Variants in AFG1L observed in about 807,000 individuals in gnomAD.
AFG1L encodes AFG1 like ATPase.
In AFG1L, 53 loss-of-function variants were observed where a neutral mutation model predicts 62.2. The ratio of observed to expected loss-of-function variants is 0.85; its 90% CI spans 0.68 to 1.07. The LOEUF (loss-of-function observed/expected upper bound fraction) is 1.07, where lower values mean the gene tolerates loss of function less well. Among genes scored for constraint, AFG1L ranks in the 50% least tolerant of loss-of-function variants. AFG1L has a pLI of 0.00. For synonymous variants in AFG1L, 228 were observed against 210.3 expected (o/e 1.08, Z -0.73); for missense variants, 555 against 590.5 (o/e 0.94, Z 0.62).
chr6:108,461,578 A>G (rs1297905977), intron 8 of AFG1L, among the ~76,000 whole-genome samples: 3 of 151,928 alleles, frequency 2.0e-5, no homozygotes, highest in South Asian at 2.1e-4. Flanking sequence ...GCCTCAGCCT[A>G]TTGAGTAGCT....
At chr6:108,433,411 C>CA in intron 7 of AFG1L, among the ~76,000 whole-genome samples, 1 of 151,546 alleles carries the variant, frequency 6.6e-6, no homozygotes, top group South Asian at 2.1e-4. Flanking sequence ...TCCCAAGTAG[C>CA]TGGTACTGCA....
At chr6:108,505,610 C>T (rs944124329) in intron 10 of AFG1L, among the ~76,000 whole-genome samples, 42 of 152,180 alleles carry the variant, frequency 2.8e-4, no homozygotes, top group Admixed American at 1.8e-3. Flanking sequence ...CTTGGAACTA[C>T]GCTTCAGAAG....
At chr6:108,355,332 A>C (rs894245613) in intron 3 of AFG1L, among the ~76,000 whole-genome samples, 1 of 152,110 alleles carries the variant, frequency 6.6e-6, no homozygotes, top group African/African-American at 2.4e-5. Flanking sequence ...AAGTTATTTT[A>C]TTTATGCTAG....
intron 10 of AFG1L, among the ~76,000 whole-genome samples, chr6:108,485,629 T>TATATATATATATATATATTTTTTAA (rs1773512506): frequency 2.5e-4 from 3 of 11,874 alleles, no homozygotes; most frequent in African/African-American, 1.1e-3. Flanking sequence ...AATTTAAATA[T>TATATATATATATATATATTTTTTAA]ATATATATAT....
chr6:108,486,688 T>C (rs1479030106), intron 10 of AFG1L, among the ~76,000 whole-genome samples: 1 of 152,214 alleles, frequency 6.6e-6, no homozygotes, highest in Non-Finnish European at 1.5e-5. Context: ...CCAAGATTAC[T>C]ACATTGACTT....
chr6:108,485,365 G>T (rs1006264641), intron 10 of AFG1L, among the ~76,000 whole-genome samples: 2 of 151,786 alleles, frequency 1.3e-5, no homozygotes, highest in African/African-American at 4.8e-5. Flanking sequence ...GGGAGAAAAT[G>T]CCCAAGGATT....
At chr6:108,438,072 G>A (rs906502559) in intron 7 of AFG1L, among the ~76,000 whole-genome samples, 3 of 152,170 alleles carry the variant, frequency 2.0e-5, no homozygotes, top group South Asian at 4.1e-4. Context: ...CTTCTGTCCT[G>A]ACTTGCTTGC....
chr6:108,495,845 A>G (rs1287756706), intron 10 of AFG1L, among the ~76,000 whole-genome samples: 1 of 152,220 alleles, frequency 6.6e-6, no homozygotes, highest in Non-Finnish European at 1.5e-5. Flanking sequence ...GTGGATTTTA[A>G]TTGTTCCTGT....
intron 11 of AFG1L, among the ~76,000 whole-genome samples, chr6:108,516,836 C>G (rs185868485): frequency 6.6e-6 from 1 of 152,218 alleles, no homozygotes; most frequent in Admixed American, 6.5e-5. Flanking sequence ...GCAAAAATGA[C>G]AAGCATTCTT....
At chr6:108,338,070 C>T in intron 2 of AFG1L, among the ~76,000 whole-genome samples, 1 of 152,050 alleles carries the variant, frequency 6.6e-6, no homozygotes, top group East Asian at 1.9e-4. Context: ...CCTGTGGTCC[C>T]AGTTACTTGG....
At chr6:108,360,871 A>G (rs1324573800) in intron 5 of AFG1L, among the ~76,000 whole-genome samples, 2 of 152,220 alleles carry the variant, frequency 1.3e-5, no homozygotes, top group Non-Finnish European at 2.9e-5. Flanking sequence ...TTGCTGCACC[A>G]GCACTCTGAT....
rs1218719181 is a variant in AFG1L at position 108,297,794 on chromosome 6, G to A, written c.139+2576G>A. On this transcript the variant is annotated intron_variant, in intron 1 of 12. Transcript: ENST00000368977. Reference sequence around the variant, plus strand: ...CACTTGAGCCCAGGAAGTCGAGGCTGCAGTGAGCTGAGAGAGATGGCGTCA... The same window carrying A: ...CACTTGAGCCCAGGAAGTCGAGGCTACAGTGAGCTGAGAGAGATGGCGTCA... Among the ~76,000 whole-genome samples, 7 of 150,856 alleles carry A rather than the reference G, an allele frequency of 4.6e-5. No individual in the cohort carries two copies. In the East Asian group the frequency reaches 7.8e-4, roughly 17 times the overall value.
rs182805013 is a variant in AFG1L, at chr6:108,466,542, T to C, written c.891-10323T>C. ...GGATAGGGCCTTAATCCAATAGGAC[T>C]GGTGTTCTCATAAGAAAAGGCAGAG... On this transcript the variant is annotated intron_variant, in intron 8 of 12. Coordinates refer to ENST00000368977, the MANE Select transcript of AFG1L (RefSeq NM_145315.5). Among the ~76,000 whole-genome samples the C allele has an allele frequency of 4.4e-4, 67 of 152,032 alleles. 1 individual carries two copies. Among genetic ancestry groups the C allele is most frequent in the African/African-American group, 1.6e-3 (65 of 41,476 alleles).
At chr6:108,456,419 C>G (rs1772254153) in intron 8 of AFG1L, among the ~76,000 whole-genome samples, 1 of 152,040 alleles carries the variant, frequency 6.6e-6, no homozygotes, top group Non-Finnish European at 1.5e-5. Context: ...AAACCATTTA[C>G]ACTTGATGTG....
chr6:108,306,293 T>G (rs563887211), intron 1 of AFG1L, among the ~76,000 whole-genome samples: 1 of 152,220 alleles, frequency 6.6e-6, no homozygotes, highest in South Asian at 2.1e-4. Context: ...ATGTAGCTTC[T>G]GCCTTAACTG....
intron 1 of AFG1L, among the ~76,000 whole-genome samples, chr6:108,317,343 G>A (rs1777644996): frequency 1.3e-5 from 2 of 152,142 alleles, no homozygotes; most frequent in African/African-American, 4.8e-5. Flanking sequence ...CGGGCAGGGG[G>A]CTAGGGAATG....
chr6:108,321,047 T>C (rs1777794815), intron 1 of AFG1L, among the ~76,000 whole-genome samples: 1 of 152,122 alleles, frequency 6.6e-6, no homozygotes, highest in Admixed American at 6.5e-5. Context: ...ACAGTTCAAT[T>C]TGATTCTGGC....
chr6:108,431,086 C>T (rs1451480196), intron 7 of AFG1L, among the ~76,000 whole-genome samples: 1 of 148,848 alleles, frequency 6.7e-6, no homozygotes, highest in Non-Finnish European at 1.5e-5. Flanking sequence ...AATGTTGGTA[C>T]AGATTTTTAT....
chr6:108,409,886 A>G (rs976497471), intron 7 of AFG1L, among the ~76,000 whole-genome samples: 2 of 152,238 alleles, frequency 1.3e-5, no homozygotes, highest in African/African-American at 2.4e-5. Context: ...CACATAACTC[A>G]TATTTCTAAA....
Sources: gnomAD v4.1 joint callset for allele counts (sites outside exome capture counted in the v4.1 genomes callset) on GRCh38, gnomAD v4.1.1 for gene constraint, MANE v1.5 for transcripts, NCBI Gene and HGNC (gene_info 2026-07-23, HGNC 2026-07-21) for gene names.